Variants in GALNTL6 observed in about 807,000 individuals in gnomAD.
GALNTL6 encodes polypeptide N-acetylgalactosaminyltransferase like 6, also known as polypeptide N-acetylgalactosaminyltransferase-like 6.
In GALNTL6, 46 loss-of-function variants were observed where a neutral mutation model predicts 73.7. That is an observed-to-expected ratio of 0.62 (90% CI 0.49 to 0.80). GALNTL6 has a LOEUF of 0.80. GALNTL6 is among the 30% of genes least tolerant of loss of function. The pLI, the probability that GALNTL6 is intolerant of heterozygous loss-of-function variation, is 0.00. For missense variants in GALNTL6, 604 were observed against 755.0 expected (o/e 0.80, Z 2.34); for synonymous variants, 259 against 263.7 (o/e 0.98, Z 0.17).
At chr4:171,855,531 A>T (rs917016172) in intron 2 of GALNTL6, among the ~76,000 whole-genome samples, 14 of 152,214 alleles carry the variant, frequency 9.2e-5, no homozygotes, top group Admixed American at 8.5e-4. Context: ...ATTGAAGGAC[A>T]TCTTGGTTAA....
At chr4:172,985,298 G>A (rs1349070986) in intron 10 of GALNTL6, among the ~76,000 whole-genome samples, 1 of 151,876 alleles carries the variant, frequency 6.6e-6, no homozygotes, top group Non-Finnish European at 1.5e-5. Context: ...ATTGTTTGGT[G>A]AGGCCTCTTT....
Position 172,756,870 on chromosome 4 carries a change from C to G in GALNTL6, c.554-52491C>G, listed in dbSNP as rs533829932. Among the ~76,000 whole-genome samples the G allele has an allele frequency of 7.9e-5, 12 of 152,164 alleles. No homozygotes were observed. The East Asian group carries it at 1.7e-3, about 22-fold the overall frequency. On this transcript the variant is annotated intron_variant, in intron 5 of 12. Transcript: ENST00000506823. ...TAAGGGTGAAATAATACACCCTTAT[C>G]TGGATATAATGTGATATACAACTGA...
At chr4:171,934,981 C>T (rs986908289) in intron 2 of GALNTL6, among the ~76,000 whole-genome samples, 2 of 152,128 alleles carry the variant, frequency 1.3e-5, no homozygotes, top group African/African-American at 4.8e-5. Context: ...CTAGAGAGCT[C>T]TCCTGACCCT....
At chr4:172,713,842 G>C (rs973293733) in intron 5 of GALNTL6, among the ~76,000 whole-genome samples, 1 of 152,046 alleles carries the variant, frequency 6.6e-6, no homozygotes, top group Admixed American at 6.6e-5. Flanking sequence ...CTTTACTAAT[G>C]CAATAGTGTC....
chr4:172,372,309 G>A (rs992195978), intron 5 of GALNTL6, among the ~76,000 whole-genome samples: 24 of 152,122 alleles, frequency 1.6e-4, no homozygotes, highest in Non-Finnish European at 1.3e-4. Context: ...TGAGGGCCAC[G>A]CATATACATA....
At chr4:171,945,109 G>C (rs757124856) in intron 2 of GALNTL6, among the ~76,000 whole-genome samples, 1 of 152,014 alleles carries the variant, frequency 6.6e-6, no homozygotes, top group Non-Finnish European at 1.5e-5. Context: ...AAGTAGCTGA[G>C]TTCCGAAGTG....
intron 1 of GALNTL6, 81 bp downstream of exon 1, chr4:171,814,071 A>C (rs1734456495): frequency 6.5e-6 from 1 of 153,492 alleles, no homozygotes; most frequent in Non-Finnish European, 1.4e-5. Flanking sequence ...TCAAAAGCGG[A>C]CACTTTTCTT....
intron 5 of GALNTL6, among the ~76,000 whole-genome samples, chr4:172,743,014 A>T (rs1736891324): frequency 2.6e-5 from 4 of 152,030 alleles, no homozygotes; most frequent in Admixed American, 2.6e-4. Context: ...CTCAGGTTAC[A>T]TGGTGATTTG....
intron 3 of GALNTL6, among the ~76,000 whole-genome samples, chr4:172,306,900 T>A (rs571639029): frequency 6.6e-6 from 1 of 152,300 alleles, no homozygotes; most frequent in East Asian, 1.9e-4. Context: ...TTTTTGCAAT[T>A]GCGAATTGTG....
chr4:172,461,610 C>G (rs777979880), intron 5 of GALNTL6, among the ~76,000 whole-genome samples: 2 of 152,116 alleles, frequency 1.3e-5, no homozygotes, highest in Non-Finnish European at 2.9e-5. Context: ...TCCTTTGATT[C>G]TTTTTGCATG....
At chr4:172,370,321 G>A (rs1371254161) in intron 5 of GALNTL6, among the ~76,000 whole-genome samples, 2 of 152,080 alleles carry the variant, frequency 1.3e-5, no homozygotes, top group African/African-American at 2.4e-5. Context: ...GTCCAAAGGC[G>A]AGTAACAGCA....
At chr4:172,299,950 C>A (rs1002967132) in intron 3 of GALNTL6, among the ~76,000 whole-genome samples, 1 of 152,090 alleles carries the variant, frequency 6.6e-6, no homozygotes, top group African/African-American at 2.4e-5. Context: ...GTTGATCTGT[C>A]TAATGTTGAC....
chr4:172,744,438 C>T lies in GALNTL6; in HGVS notation c.554-64923C>T, dbSNP rs1736977596. Among the ~76,000 whole-genome samples, 3 of 152,028 alleles carry T rather than the reference C, an allele frequency of 2.0e-5. No individual in the cohort carries two copies. In the South Asian group the frequency reaches 6.2e-4, roughly 31 times the overall value. On this transcript the variant is annotated intron_variant, in intron 5 of 12. Transcript: ENST00000506823. The stretch of plus-strand genomic sequence containing the variant: ...ATTTTTCAAGGGAAACTGGAACCCC[C>T]TTAAATCAAGGAGATACATGTCTGT...
intron 5 of GALNTL6, among the ~76,000 whole-genome samples, chr4:172,784,800 A>G (rs1177728246): frequency 6.6e-6 from 1 of 152,200 alleles, no homozygotes; most frequent in Non-Finnish European, 1.5e-5. Flanking sequence ...ACTTATAAAA[A>G]TAAAAGTGAT....
intron 5 of GALNTL6, among the ~76,000 whole-genome samples, chr4:172,628,504 G>A (rs1219124901): frequency 6.6e-6 from 1 of 151,378 alleles, no homozygotes; most frequent in Non-Finnish European, 1.5e-5. Context: ...GGCAGAGGTG[G>A]GTAGATCTCT....
At chr4:172,183,338 A>G (rs921501201) in intron 2 of GALNTL6, among the ~76,000 whole-genome samples, 3 of 152,178 alleles carry the variant, frequency 2.0e-5, no homozygotes, top group African/African-American at 4.8e-5. Context: ...AGTTGTGGGT[A>G]TAGGGATATC....
chr4:172,875,141 C>T (rs969754464), intron 7 of GALNTL6, among the ~76,000 whole-genome samples: 9 of 152,154 alleles, frequency 5.9e-5, no homozygotes, highest in South Asian at 2.1e-4. Context: ...AACACTGAAG[C>T]GCTGCTATCA....
At chr4:172,246,608 G>A (rs1737668587) in intron 3 of GALNTL6, among the ~76,000 whole-genome samples, 1 of 151,396 alleles carries the variant, frequency 6.6e-6, no homozygotes, top group Non-Finnish European at 1.5e-5. Context: ...TCCAAACTTG[G>A]GATATCAGCG....
At chr4:172,412,928 G>A (rs1285721139) in intron 5 of GALNTL6, among the ~76,000 whole-genome samples, 1 of 152,102 alleles carries the variant, frequency 6.6e-6, no homozygotes, top group Non-Finnish European at 1.5e-5. Context: ...GTCAAAAAAT[G>A]ACTATTACAG....
Sources: allele counts gnomAD v4.1 joint callset (sites outside exome capture counted in the v4.1 genomes callset), GRCh38; gene constraint gnomAD v4.1.1; transcripts MANE v1.5; gene names NCBI Gene and HGNC (gene_info 2026-07-23, HGNC 2026-07-21).